ZNF469: variants seen among roughly 807,000 people sequenced by gnomAD.
The protein encoded by ZNF469 is zinc finger protein 469.
Under a neutral mutation model 1.0 loss-of-function variants are expected in ZNF469, and 1 was observed. The ratio of observed to expected loss-of-function variants is 1.00; its 90% CI spans 0.35 to 4.73. ZNF469 has a LOEUF of 4.73. Ranked by LOEUF, ZNF469 falls within the 30% of genes most tolerant of loss-of-function variation. The pLI is 0.16. For synonymous variants in ZNF469, 2,703 were observed against 2,363.4 expected (o/e 1.14, Z -4.17); for missense variants, 6,100 against 5,356.3 (o/e 1.14, Z -4.33).
the ZNF469 span, among the ~76,000 whole-genome samples, chr16:88,209,550 C>T: frequency 6.6e-6 from 1 of 152,198 alleles, no homozygotes; most frequent in Non-Finnish European, 1.5e-5. Flanking sequence ...CTCGGCCTCC[C>T]AAAGTGCTGG....
At chr16:88,123,788 T>A in the ZNF469 span, among the ~76,000 whole-genome samples, 1 of 152,218 alleles carries the variant, frequency 6.6e-6, no homozygotes, top group East Asian at 1.9e-4. Context: ...TGATGAAGTG[T>A]CTATTCAGAT....
the ZNF469 span, among the ~76,000 whole-genome samples, chr16:88,109,474 C>G: frequency 6.7e-6 from 1 of 149,724 alleles, no homozygotes; most frequent in Non-Finnish European, 1.5e-5. Flanking sequence ...TCTGTGTCCA[C>G]GCTGTCTCCT....
At chr16:88,134,610 G>T in the ZNF469 span, among the ~76,000 whole-genome samples, 1 of 152,232 alleles carries the variant, frequency 6.6e-6, no homozygotes, top group Non-Finnish European at 1.5e-5. Flanking sequence ...AAGCCAGGCG[G>T]ATGTCCAAGT....
chr16:88,424,310 C>G lies in ZNF469; in HGVS notation c.-191-497C>G, dbSNP rs115843534. On this transcript the variant is annotated intron_variant, in intron 1 of 2. Transcript: ENST00000565624. The surrounding 1 kb of genome is among the most constrained non-coding windows in gnomAD (Gnocchi z 4.3). The stretch of plus-strand genomic sequence containing the variant: ...GGTGCAGAACAGTGAGCGTAGCCGA[C>G]GATCTTCTGTTGAAGGAAGGAGGAA... 6.6e-6 allele frequency among the ~76,000 whole-genome samples: 1 copy of G among 152,288 alleles called. No individual in the cohort carries two copies. The highest frequency in any genetic ancestry group is 2.4e-5 in the African/African-American group (1 of 41,542).
the ZNF469 span, among the ~76,000 whole-genome samples, chr16:88,260,524 C>T: frequency 2.0e-5 from 3 of 152,172 alleles, no homozygotes; most frequent in Non-Finnish European, 4.4e-5. This position sits in a 1 kb window ranked among gnomAD's most constrained non-coding sequence, Gnocchi z 4.1. Context: ...GCTGGGAGGA[C>T]GCCGCTCTCA....
the ZNF469 span, among the ~76,000 whole-genome samples, chr16:88,356,286 A>G: frequency 5.5e-4 from 84 of 152,136 alleles, 2 homozygotes; most frequent in African/African-American, 2.0e-3. Flanking sequence ...CCATGATCGA[A>G]TCTCAGTCCT....
chr16:88,163,613 GAT>G, the ZNF469 span, among the ~76,000 whole-genome samples: 1 of 7,682 alleles, frequency 1.3e-4, no homozygotes, highest in East Asian at 5.2e-3. Context: ...TGCATTGGTA[GAT>G]GGATGGATGG....
rs1249545666 is a variant in ZNF469, at chr16:88,436,360, G to A, written c.8890G>A (p.Glu2964Lys). 1.2e-5 allele frequency: 19 copies of A among 1,549,976 alleles called. No individual in the cohort carries two copies. The highest frequency in any genetic ancestry group is 1.6e-5 in the Non-Finnish European group (18 of 1,146,834). ...CCCCGGCCTCAGCCTGTGGGCCCTG[G>A]AGCCCAGCAGGGAAGCTGGTGCAGA... ...WAPGLSLWAL[E>K]PSREAGAEKL... Residue 2964 changes from glutamate to lysine, a missense_variant, in exon 3 of 3, where the codon GAG becomes AAG. Glu to Lys is a moderately conservative substitution (Grantham distance 56, BLOSUM62 1). Coordinates refer to ENST00000565624, the MANE Select transcript of ZNF469 (RefSeq NM_001367624.2).
the ZNF469 span, among the ~76,000 whole-genome samples, chr16:88,292,726 T>A: frequency 2.7e-5 from 4 of 145,588 alleles, no homozygotes; most frequent in Admixed American, 2.9e-4. Flanking sequence ...CATTACTTGC[T>A]CACTCGTAGG....
chr16:88,120,548 G>C, the ZNF469 span, among the ~76,000 whole-genome samples: 1 of 152,256 alleles, frequency 6.6e-6, no homozygotes, highest in East Asian at 1.9e-4. Context: ...GCCGGATGCT[G>C]GACCCGCAGC....
At chr16:88,303,646 G>C in the ZNF469 span, among the ~76,000 whole-genome samples, 25 of 152,202 alleles carry the variant, frequency 1.6e-4, no homozygotes, top group African/African-American at 5.8e-4. Flanking sequence ...GGGGCTGATG[G>C]CTCCGGCGGT....
the ZNF469 span, among the ~76,000 whole-genome samples, chr16:88,117,158 G>A: frequency 6.6e-6 from 1 of 150,528 alleles, no homozygotes; most frequent in Admixed American, 6.7e-5. Flanking sequence ...AGCTGGGGAC[G>A]TGTGAGAACT....
At chr16:88,196,172 T>C in the ZNF469 span, among the ~76,000 whole-genome samples, 1 of 152,202 alleles carries the variant, frequency 6.6e-6, no homozygotes, top group Non-Finnish European at 1.5e-5. Flanking sequence ...CCCGAAGTGG[T>C]GCTGATGGCG....
chr16:88,129,946 T>A, the ZNF469 span, among the ~76,000 whole-genome samples: 2 of 152,226 alleles, frequency 1.3e-5, no homozygotes, highest in Non-Finnish European at 2.9e-5. Context: ...TGGTCTTTGG[T>A]TTGGAAAAGT....
At chr16:88,229,606 T>TGTGGATGTCACGC in the ZNF469 span, among the ~76,000 whole-genome samples, 55 of 65,912 alleles carry the variant, frequency 8.3e-4, no homozygotes, top group South Asian at 2.7e-3. Context: ...ATGTCACGCG[T>TGTGGATGTCACGC]GTGTGCTGAT....
At chr16:88,156,214 A>G in the ZNF469 span, among the ~76,000 whole-genome samples, 2 of 152,240 alleles carry the variant, frequency 1.3e-5, no homozygotes, top group African/African-American at 4.8e-5. Context: ...TTTCTTGATG[A>G]TATCTTTTGC....
At chr16:88,276,584 C>G in the ZNF469 span, 1 of 152,216 alleles carries the variant, frequency 6.6e-6, no homozygotes, top group South Asian at 2.1e-4. Context: ...GGGTAAGGAG[C>G]GGTTTTCTCT....
the ZNF469 span, among the ~76,000 whole-genome samples, chr16:88,345,698 A>C: frequency 6.6e-6 from 1 of 152,122 alleles, no homozygotes; most frequent in Admixed American, 6.5e-5. Flanking sequence ...GCGCTTTCCA[A>C]AGCCTTGCCT....
At position 88,393,492 on chromosome 16, in the gene ZNF469, C is replaced by T. The variant is rs1246099370; in HGVS notation, c.-192+10238C>T. On this transcript the variant is annotated intron_variant, in intron 1 of 2. Transcript: ENST00000565624. ...GGCACCCAGGGGGGCCTGCCGTAGG[C>T]GGGAGGTGCCTGGGACCCAAAGCCC... Among the ~76,000 whole-genome samples, 5 of 152,184 alleles carry T rather than the reference C, an allele frequency of 3.3e-5. No homozygotes were observed. The East Asian group carries it at 5.8e-4, about 18-fold the overall frequency.
Sources: gnomAD v4.1 joint callset for allele counts (sites outside exome capture counted in the v4.1 genomes callset) on GRCh38, gnomAD v4.1.1 for gene constraint, Gnocchi (gnomAD v3.1) non-coding constraint, MANE v1.5 for transcripts, NCBI Gene and HGNC (gene_info 2026-07-23, HGNC 2026-07-21) for gene names.